The following CMYA5 variants were observed in gnomAD, a reference collection of about 807,000 sequenced individuals.
The protein encoded by CMYA5 is cardiomyopathy associated 5.
A neutral mutation model predicts 318.9 loss-of-function variants in CMYA5; 246 were observed. That is an observed-to-expected ratio of 0.77 (90% CI 0.70 to 0.86). CMYA5 has a LOEUF of 0.86. CMYA5 is among the 40% of genes least tolerant of loss of function. The pLI, the probability that CMYA5 is intolerant of heterozygous loss-of-function variation, is 0.00. For missense variants in CMYA5, 4,589 were observed against 4,678.2 expected, an observed-to-expected ratio of 0.98 and a Z score of 0.56; for synonymous variants, 1,641 against 1,729.5, an observed-to-expected ratio of 0.95 and a Z score of 1.27.
Position 79,747,099 on chromosome 5 carries a change from G to A in CMYA5, c.10977G>A (p.Glu3659=). Residue 3659 remains glutamate, a synonymous_variant, in exon 5 of 13, where the codon GAG becomes GAA. Coordinates refer to ENST00000446378, the MANE Select transcript of CMYA5 (RefSeq NM_153610.5). ...CTCTCTTTCTCCCTAAGTCGTTTGA[G>A]GAAATCAATGAAAGGTATATAAAAC... is the stretch of plus-strand genomic sequence containing the variant. The part of the protein sequence containing the change: ...LDEAVFLTSF[E]EINERLLSAM... 1 of 1,537,104 alleles carries A rather than the reference G, an allele frequency of 6.5e-7. No homozygotes were observed. Among genetic ancestry groups the A allele is most frequent in the Non-Finnish European group, 8.8e-7 (1 of 1,134,998 alleles).
intron 12 of CMYA5, among the ~76,000 whole-genome samples, chr5:79,799,050 A>G (rs936847484): frequency 6.6e-6 from 1 of 152,242 alleles, no homozygotes; most frequent in African/African-American, 2.4e-5. Flanking sequence ...CACGCCATGA[A>G]TGCGGTAGTT....
At chr5:79,759,598 A>G (rs998361804) in intron 7 of CMYA5, among the ~76,000 whole-genome samples, 5 of 152,210 alleles carry the variant, frequency 3.3e-5, no homozygotes, top group African/African-American at 1.2e-4. Flanking sequence ...AAGCCCTGGA[A>G]GCCAGGCAGT....
At chr5:79,790,027 G>C (rs1829147677) in intron 10 of CMYA5, among the ~76,000 whole-genome samples, 1 of 152,200 alleles carries the variant, frequency 6.6e-6, no homozygotes, top group Non-Finnish European at 1.5e-5. Flanking sequence ...ATGGAAAGAG[G>C]ACCATTTTAT....
At chr5:79,692,234 G>T (rs1826982681) in intron 1 of CMYA5, among the ~76,000 whole-genome samples, 1 of 152,124 alleles carries the variant, frequency 6.6e-6, no homozygotes, top group African/African-American at 2.4e-5. Context: ...AGTTTTTCAG[G>T]TTAGCTTTGG....
In CMYA5 at chr5:79,729,442, A is replaced by G; in HGVS notation, c.677A>G (p.Gln226Arg). ...VLRPVYIGTV[Q>R]YKIKMFNSVK... Reference sequence around the variant, plus strand: ...AGACCAGTCTACATAGGAACAGTACAATATAAAATTAAGATGTTTAATTCG... The same window carrying G: ...AGACCAGTCTACATAGGAACAGTACGATATAAAATTAAGATGTTTAATTCG... The change falls in exon 2 of 13, where the codon CAA becomes CGA. Residue 226 changes from glutamine (Q) to arginine (R), a missense_variant. This residue lies in a region of CMYA5 where 2,132 missense variants were observed against 2,131.3 expected (regional missense o/e 1.00). Coordinates refer to ENST00000446378, the MANE Select transcript of CMYA5 (RefSeq NM_153610.5). The G allele has an allele frequency of 6.2e-7, 1 of 1,613,072 alleles. No individual in the cohort carries two copies. Among genetic ancestry groups the G allele is most frequent in the Middle Eastern group, 1.7e-4 (1 of 6,054 alleles).
chr5:79,796,590 A>G (rs1388329491), intron 12 of CMYA5, among the ~76,000 whole-genome samples: 1 of 152,192 alleles, frequency 6.6e-6, no homozygotes, highest in Non-Finnish European at 1.5e-5. Context: ...TAGTAGAAAC[A>G]GATTTTCACC....
At position 79,736,261 on chromosome 5, in the gene CMYA5, G is replaced by A; in HGVS notation, c.7496G>A (p.Gly2499Glu). The A allele has an allele frequency of 6.2e-7, 1 of 1,613,300 alleles. No individual in the cohort carries two copies. The highest frequency in any genetic ancestry group is 1.1e-5 in the South Asian group (1 of 90,992). Residue 2499 changes from glycine to glutamate, a missense_variant, in exon 2 of 13, where the codon GGA becomes GAA. This residue lies in a region of CMYA5 where 2,431 missense variants were observed against 2,495.1 expected (regional missense o/e 0.97). Coordinates refer to ENST00000446378, the MANE Select transcript of CMYA5 (RefSeq NM_153610.5). Reference sequence around the variant, plus strand: ...ATAGGGAAGACACAAATTACACTTGGATCTAGATCTACTGAACTGAAAGAA... The same window carrying A: ...ATAGGGAAGACACAAATTACACTTGAATCTAGATCTACTGAACTGAAAGAA... Reference protein sequence around the residue: ...NEIGKTQITLGSRSTELKESK... With the variant: ...NEIGKTQITLESRSTELKESK...
intron 12 of CMYA5, among the ~76,000 whole-genome samples, chr5:79,798,599 G>A (rs888724724): frequency 1.2e-4 from 19 of 152,144 alleles, no homozygotes; most frequent in Non-Finnish European, 2.6e-4. Flanking sequence ...ATTCCCAGCC[G>A]TGGTCCGAGT....
Position 79,739,041 on chromosome 5 carries a change from T to TTATGAATTA in CMYA5, c.10276_10277insTATGAATTA (p.Ser3426delinsLeuTer). On this transcript the variant is annotated stop_gained and protein_altering_variant, in exon 2 of 13. Transcript: ENST00000446378. LOFTEE classifies it high-confidence loss of function. Reference sequence around the variant, plus strand: ...TCAGGATGAGTATGAATTTACAGAATCCCTGCATAATGAAGTGGTTCCTCA... The same window carrying TTATGAATTA: ...TCAGGATGAGTATGAATTTACAGAATTATGAATTACCCTGCATAATGAAGTGGTTCCTCA... 6.2e-7 allele frequency: 1 copy of TTATGAATTA among 1,613,848 alleles called. No homozygotes were observed. The highest frequency in any genetic ancestry group is 8.5e-7 in the Non-Finnish European group (1 of 1,179,844).
At chr5:79,792,673 A>G (rs1580810222) in intron 11 of CMYA5, among the ~76,000 whole-genome samples, 1 of 152,372 alleles carries the variant, frequency 6.6e-6, no homozygotes, top group South Asian at 2.1e-4. Context: ...CACTGCTTAA[A>G]TTAAAAATGC....
Position 79,729,287 on chromosome 5 carries a change from C to G in CMYA5, c.522C>G (p.Ser174Arg), listed in dbSNP as rs186943498. ...NKKGSPLTSA[S>R]QVLTTEKEKS... is the part of the protein sequence containing the mutation. ...AAGGCAGTCCTTTAACTTCAGCAAGCCAGGTACTAACCACGGAGAAAGAGA... is the reference window on the plus strand; with the variant it reads ...AAGGCAGTCCTTTAACTTCAGCAAGGCAGGTACTAACCACGGAGAAAGAGA... The change falls in exon 2 of 13, where the codon AGC becomes AGG. Residue 174 changes from serine (S) to arginine (R), a missense_variant. By Grantham distance (110) the Ser-to-Arg change is moderately radical (BLOSUM62 -1). Around this residue, in one of 3 missense-constraint regions of CMYA5, gnomAD observed 2,132 missense variants for 2,131.3 expected, o/e 1.00. Coordinates refer to ENST00000446378, the MANE Select transcript of CMYA5 (RefSeq NM_153610.5). The G allele has an allele frequency of 1.7e-5, 28 of 1,610,858 alleles. No individual in the cohort carries two copies. In the East Asian group the frequency reaches 5.6e-4, roughly 32 times the overall value.
chr5:79,767,583 G>A (rs1167281268), intron 9 of CMYA5, among the ~76,000 whole-genome samples: 4 of 152,178 alleles, frequency 2.6e-5, no homozygotes, highest in Non-Finnish European at 5.9e-5. Context: ...TCAGGAGCAG[G>A]TTGTTCAGTT....
At chr5:79,713,482 A>G (rs1827445241) in intron 1 of CMYA5, among the ~76,000 whole-genome samples, 1 of 151,950 alleles carries the variant, frequency 6.6e-6, no homozygotes, top group Non-Finnish European at 1.5e-5. Flanking sequence ...GGTTCTCTGG[A>G]CCTGGCGTCT....
At chr5:79,749,809 A>G (rs1828397420) in intron 5 of CMYA5, among the ~76,000 whole-genome samples, 2 of 152,168 alleles carry the variant, frequency 1.3e-5, no homozygotes, top group Admixed American at 6.5e-5. Context: ...ATACTGTACT[A>G]CTCAAATAAT....
intron 9 of CMYA5, among the ~76,000 whole-genome samples, chr5:79,784,461 C>G (rs1310623315): frequency 6.0e-5 from 3 of 50,338 alleles, no homozygotes; most frequent in Admixed American, 2.9e-4. Context: ...TCGAGCTTCC[C>G]GGCTGCTTTG....
intron 4 of CMYA5, among the ~76,000 whole-genome samples, chr5:79,746,379 C>G (rs756985680): frequency 3.3e-5 from 5 of 152,080 alleles, no homozygotes; most frequent in Non-Finnish European, 7.4e-5. Flanking sequence ...TCAAAGAGAA[C>G]TAAACTCATT....
intron 1 of CMYA5, among the ~76,000 whole-genome samples, chr5:79,719,352 T>A (rs1827575983): frequency 6.6e-6 from 1 of 152,184 alleles, no homozygotes; most frequent in Non-Finnish European, 1.5e-5. Flanking sequence ...GTTTCTGAGC[T>A]AAGATGAAAT....
Position 79,737,037 on chromosome 5 carries a change from A to G in CMYA5, c.8272A>G (p.Ser2758Gly). ...EKSSRDMPDH[S>G]EEKEQFKESE... ...GTCAAGCAGAGATATGCCAGATCACAGTGAAGAAAAAGAACAGTTCAAAGA... is the reference window on the plus strand; with the variant it reads ...GTCAAGCAGAGATATGCCAGATCACGGTGAAGAAAAAGAACAGTTCAAAGA... Residue 2758 changes from serine (S) to glycine (G), a missense_variant, in exon 2 of 13, where the codon AGT becomes GGT. This residue lies in a region of CMYA5 where 2,431 missense variants were observed against 2,495.1 expected (regional missense o/e 0.97). Transcript: ENST00000446378. 1 of 1,613,756 alleles carries G rather than the reference A, an allele frequency of 6.2e-7. No individual in the cohort carries two copies. Among genetic ancestry groups the G allele is most frequent in the South Asian group, 1.1e-5 (1 of 91,062 alleles).
chr5:79,730,907 A>T lies in CMYA5; in HGVS notation c.2142A>T (p.Thr714=), dbSNP rs1197317591. Residue 714 remains threonine, a synonymous_variant, in exon 2 of 13, where the codon ACA becomes ACT. Transcript: ENST00000446378. ...CAACAAAAGAGTCACTGAAGAAAACAATTGACCGTAAGTCCCCGTTAATAT... is the reference window on the plus strand; with the variant it reads ...CAACAAAAGAGTCACTGAAGAAAACTATTGACCGTAAGTCCCCGTTAATAT... ...SLATKESLKK[T]IDRKSPLILK... is the part of the protein sequence containing the mutation. 6.2e-7 allele frequency: 1 copy of T among 1,614,026 alleles called. No individual in the cohort carries two copies. Among genetic ancestry groups the T allele is most frequent in the African/African-American group, 1.3e-5 (1 of 75,062 alleles).
Sources: allele counts gnomAD v4.1 joint callset (sites outside exome capture counted in the v4.1 genomes callset), GRCh38; gene constraint gnomAD v4.1.1; regional missense constraint gnomAD v4.1.1; transcripts MANE v1.5; gene names NCBI Gene and HGNC (gene_info 2026-07-23, HGNC 2026-07-21).